RNGTT: variants seen among roughly 807,000 people sequenced by gnomAD.
RNGTT encodes the protein mRNA-capping enzyme.
RNGTT carries 33 observed loss-of-function variants against 79.3 expected under a neutral mutation model. The observed-to-expected ratio is 0.42, with a 90% CI of 0.32 to 0.56. RNGTT has a LOEUF of 0.56. RNGTT is among the 20% of genes least tolerant of loss of function. RNGTT has a pLI of 0.17. For missense variants in RNGTT, 497 were observed against 739.1 expected (o/e 0.67, Z 3.80); for synonymous variants, 222 against 235.9 (o/e 0.94, Z 0.54).
rs1185545316 is a variant in RNGTT at position 88,697,891 on chromosome 6, TATATATATATG to T, written c.1440-19483_1440-19473del. Among the ~76,000 whole-genome samples the T allele has an allele frequency of 2.1e-3, 185 of 88,690 alleles. 12 individuals are homozygous for T. The highest frequency in any genetic ancestry group is 6.4e-3 in the Middle Eastern group (1 of 156). 58.2% of individuals were successfully genotyped at this position (88,690 alleles called of 152,430 possible). Reference sequence around the variant, plus strand: ...GTCTTGGAAAAAAATATATATATGATATATATATATGATATATATATGAAATACATATATAT... The same window carrying T: ...GTCTTGGAAAAAAATATATATATGATATATATATATGAAATACATATATAT... On this transcript the variant is annotated intron_variant, in intron 13 of 15. Transcript: ENST00000369485.
At chr6:88,798,060 C>T (rs1330999326) in intron 12 of RNGTT, among the ~76,000 whole-genome samples, 1 of 151,642 alleles carries the variant, frequency 6.6e-6, no homozygotes, top group East Asian at 1.9e-4. Context: ...ACAAATCACT[C>T]ATTTAATTGG....
chr6:88,647,715 A>AAAAAAAAAAAAAAAAAGAAAAAAGAAG (rs531898293), intron 14 of RNGTT, among the ~76,000 whole-genome samples: 9 of 142,444 alleles, frequency 6.3e-5, no homozygotes, highest in African/African-American at 2.7e-4. Context: ...AAAAAAAAAA[A>AAAAAAAAAAAAAAAAAGAAAAAAGAAG]AAGAAGAAGA....
intron 8 of RNGTT, among the ~76,000 whole-genome samples, chr6:88,878,862 C>T (rs1032786453): frequency 4.6e-5 from 7 of 152,136 alleles, no homozygotes; most frequent in African/African-American, 1.4e-4. Flanking sequence ...ATAAGATATA[C>T]TTTTTTGTTT....
intron 11 of RNGTT, among the ~76,000 whole-genome samples, chr6:88,810,738 A>C (rs1409685710): frequency 2.0e-5 from 3 of 152,236 alleles, no homozygotes. Context: ...AGTAAAACTT[A>C]TTCATGAGTT....
intron 14 of RNGTT, among the ~76,000 whole-genome samples, chr6:88,637,838 G>A (rs1773156455): frequency 6.6e-6 from 1 of 152,016 alleles, no homozygotes; most frequent in Non-Finnish European, 1.5e-5. Context: ...TATGAGCCTG[G>A]TATTGTGCTA....
Position 88,941,185 on chromosome 6 carries a change from A to T in RNGTT, c.65-5T>A, listed in dbSNP as rs375836896. The T allele has an allele frequency of 8.0e-6, 12 of 1,492,804 alleles. No individual in the cohort carries two copies. The highest frequency in any genetic ancestry group is 1.1e-5 in the Non-Finnish European group (12 of 1,076,832). 92.5% of individuals were successfully genotyped at this position (1,492,804 alleles called of 1,614,324 possible). A position where few individuals can be genotyped will look rare whatever the true frequency, so the allele number is the denominator to read the frequency against. On this transcript the variant is annotated splice_region_variant and splice_polypyrimidine_tract_variant and intron_variant, in intron 1 of 15. Transcript: ENST00000369485. ...TCTTCAGAGGTAAGAATCTTCCTAA[A>T]CAACACAGATAGGTAATCATTTCCA... is the stretch of plus-strand genomic sequence containing the variant.
At chr6:88,731,960 C>CAT (rs963517324) in intron 13 of RNGTT, among the ~76,000 whole-genome samples, 94 of 151,856 alleles carry the variant, frequency 6.2e-4, no homozygotes, top group African/African-American at 2.0e-3. Context: ...AGGAAGAGAA[C>CAT]ATATATATAT....
rs1779787375 is a variant in RNGTT, at chr6:88,801,648, A to G, written c.1270-16T>C. 1 of 1,523,926 alleles carries G rather than the reference A, an allele frequency of 6.6e-7. No homozygotes were observed. The highest frequency in any genetic ancestry group is 9.1e-7 in the Non-Finnish European group (1 of 1,099,046). 94.4% of individuals were successfully genotyped at this position (1,523,926 alleles called of 1,614,324 possible). ...CTTCAAGTAGCTATAAAATAAATACACATGTATTCTTTAAAAATATAATAA... is the reference window on the plus strand; with the variant it reads ...CTTCAAGTAGCTATAAAATAAATACGCATGTATTCTTTAAAAATATAATAA... On this transcript the variant is annotated splice_polypyrimidine_tract_variant and intron_variant, in intron 11 of 15. Transcript: ENST00000369485.
rs1326618991 is a variant in RNGTT at position 88,917,541 on chromosome 6, T to A, written c.368-11101A>T. On this transcript the variant is annotated intron_variant, in intron 4 of 15. Coordinates refer to ENST00000369485, the MANE Select transcript of RNGTT (RefSeq NM_003800.5). The stretch of plus-strand genomic sequence containing the variant: ...CTAAAGATTATAAAGGCAATGGAGA[T>A]ATAGTAAAGAATTTTAAGCATGGCA... Among the ~76,000 whole-genome samples the A allele has an allele frequency of 3.3e-5, 5 of 152,214 alleles. No individual in the cohort carries two copies. The East Asian group carries it at 7.7e-4, about 24-fold the overall frequency.
chr6:88,650,327 C>A (rs1773750184), intron 14 of RNGTT, among the ~76,000 whole-genome samples: 1 of 152,202 alleles, frequency 6.6e-6, no homozygotes, highest in Non-Finnish European at 1.5e-5. Flanking sequence ...CTCACAGTCA[C>A]TGCCTTTTAC....
intron 8 of RNGTT, among the ~76,000 whole-genome samples, chr6:88,869,752 A>G (rs985753054): frequency 1.3e-5 from 2 of 152,160 alleles, no homozygotes; most frequent in African/African-American, 4.8e-5. Flanking sequence ...GACTATAAAA[A>G]TAAATATATT....
chr6:88,741,397 T>C (rs1045531128), intron 13 of RNGTT, among the ~76,000 whole-genome samples: 1 of 151,988 alleles, frequency 6.6e-6, no homozygotes, highest in Admixed American at 6.5e-5. Flanking sequence ...TGGGTACTCA[T>C]GGACATAAAG....
chr6:88,717,840 G>C (rs1562214300), intron 13 of RNGTT, among the ~76,000 whole-genome samples: 1 of 152,122 alleles, frequency 6.6e-6, no homozygotes, highest in African/African-American at 2.4e-5. Flanking sequence ...CAAAGGCCAA[G>C]TGGTGAAGCT....
chr6:88,915,745 A>G (rs1783980440), intron 4 of RNGTT, among the ~76,000 whole-genome samples: 3 of 152,192 alleles, frequency 2.0e-5, no homozygotes, highest in African/African-American at 7.2e-5. Context: ...CAACCTGCTC[A>G]TGTTACCCAC....
chr6:88,884,665 T>G (rs374067197), intron 8 of RNGTT, among the ~76,000 whole-genome samples: 6 of 152,112 alleles, frequency 3.9e-5, no homozygotes, highest in African/African-American at 1.4e-4. Context: ...CAACAAAGGA[T>G]GAGGGCAAAC....
At chr6:88,622,674 G>A (rs116698635) in intron 14 of RNGTT, among the ~76,000 whole-genome samples, 1 of 152,080 alleles carries the variant, frequency 6.6e-6, no homozygotes, top group Non-Finnish European at 1.5e-5. Flanking sequence ...GCTGGTACTG[G>A]ATTCTTTTCT....
At chr6:88,954,228 G>T (rs947908665) in intron 1 of RNGTT, among the ~76,000 whole-genome samples, 3 of 152,156 alleles carry the variant, frequency 2.0e-5, no homozygotes, top group Admixed American at 6.5e-5. Flanking sequence ...AGTATCTGCT[G>T]CCTTCAAGAG....
At chr6:88,801,539 C>A in intron 12 of RNGTT, 25 bp downstream of exon 12, 1 of 1,588,662 alleles carries the variant, frequency 6.3e-7, no homozygotes, top group Non-Finnish European at 8.6e-7. Context: ...CAAACGAACA[C>A]ACACACACAG....
intron 14 of RNGTT, among the ~76,000 whole-genome samples, chr6:88,630,794 GT>G (rs759446079): frequency 2.0e-5 from 3 of 151,324 alleles, no homozygotes; most frequent in African/African-American, 7.3e-5. Flanking sequence ...TGTGAATTTT[GT>G]TTTTTAGTAA....
Sources: gnomAD v4.1 joint callset for allele counts (sites outside exome capture counted in the v4.1 genomes callset) on GRCh38, gnomAD v4.1.1 for gene constraint, MANE v1.5 for transcripts, NCBI Gene and HGNC (gene_info 2026-07-23, HGNC 2026-07-21) for gene names.